GDA: variants seen among roughly 807,000 people sequenced by gnomAD.
GDA encodes the protein guanine deaminase, also known as cytoplasmic PSD-95 interactor.
In GDA, 18 loss-of-function variants were observed where a neutral mutation model predicts 59.6. The ratio of observed to expected loss-of-function variants is 0.30; its 90% CI spans 0.21 to 0.45. The LOEUF (loss-of-function observed/expected upper bound fraction) is 0.45, where lower values mean the gene tolerates loss of function less well. Among genes scored for constraint, GDA ranks in the 20% least tolerant of loss-of-function variants. The probability of loss-of-function intolerance (pLI) is 1.00; values close to 1 mark genes in which losing one functional copy is unlikely to be tolerated. For synonymous variants in GDA, 201 were observed against 201.1 expected (o/e 1.00, Z 0.00); for missense variants, 427 against 552.3 (o/e 0.77, Z 2.27).
intron 1 of GDA, among the ~76,000 whole-genome samples, chr9:72,131,013 A>G (rs961421200): frequency 3.9e-5 from 6 of 152,230 alleles, no homozygotes; most frequent in Non-Finnish European, 7.3e-5. Context: ...CATTTGAGAA[A>G]TAAGGGAGCA....
intron 10 of GDA, among the ~76,000 whole-genome samples, chr9:72,237,106 C>G (rs1426882912): frequency 6.6e-6 from 1 of 152,094 alleles, no homozygotes; most frequent in Non-Finnish European, 1.5e-5. Context: ...TCAGACATCC[C>G]CCTCATGCTC....
intron 6 of GDA, among the ~76,000 whole-genome samples, chr9:72,222,876 T>C (rs1837073521): frequency 6.6e-6 from 1 of 152,052 alleles, no homozygotes; most frequent in African/African-American, 2.4e-5. Context: ...CCAGCTAATT[T>C]TGTATTTTTT....
rs201774507 is a variant in GDA at position 72,206,368 on chromosome 9, A to AT, written c.384+3635dup. On this transcript the variant is annotated intron_variant, in intron 3 of 13. Transcript: ENST00000358399. The stretch of plus-strand genomic sequence containing the variant: ...TTATATCATCTGAGATTTTAGTTCC[A>AT]TTTTTTTTTGCCGTGTATACTATAT... Among the ~76,000 whole-genome samples the AT allele has an allele frequency of 4.6e-3, 692 of 150,074 alleles. 8 individuals carry two copies. Among genetic ancestry groups the AT allele is most frequent in the African/African-American group, 0.015 (620 of 40,930 alleles).
chr9:72,131,772 A>C (rs758008087), intron 1 of GDA, among the ~76,000 whole-genome samples: 20 of 152,200 alleles, frequency 1.3e-4, no homozygotes, highest in Admixed American at 3.3e-4. Flanking sequence ...GGGTTAAGTC[A>C]TAAAGTAACT....
At chr9:72,157,844 C>A (rs1229209452) in intron 1 of GDA, among the ~76,000 whole-genome samples, 2 of 152,184 alleles carry the variant, frequency 1.3e-5, no homozygotes, top group Non-Finnish European at 2.9e-5. Flanking sequence ...ATCTGTCTGG[C>A]AAGTGGGAAT....
intron 7 of GDA, among the ~76,000 whole-genome samples, chr9:72,223,487 A>G (rs997565275): frequency 2.0e-5 from 3 of 152,190 alleles, no homozygotes; most frequent in Admixed American, 1.3e-4. Context: ...AAGACAAGAA[A>G]ATCGTTTTAA....
chr9:72,198,039 G>A (rs965602612), intron 2 of GDA, among the ~76,000 whole-genome samples: 8 of 152,092 alleles, frequency 5.3e-5, no homozygotes, highest in African/African-American at 1.7e-4. Flanking sequence ...TAAAAGCAGC[G>A]GGGGAGGGGC....
chr9:72,133,512 C>T (rs1353523957), intron 1 of GDA, among the ~76,000 whole-genome samples: 9 of 151,900 alleles, frequency 5.9e-5, no homozygotes, highest in Non-Finnish European at 8.8e-5. Flanking sequence ...GAACTTTGTT[C>T]TTTGGGAATG....
At chr9:72,212,342 C>T (rs964022837) in intron 4 of GDA, among the ~76,000 whole-genome samples, 5 of 151,906 alleles carry the variant, frequency 3.3e-5, no homozygotes, top group South Asian at 2.1e-4. Context: ...ATTAACCAAG[C>T]GTAGTGGTGG....
chr9:72,189,945 G>A (rs1158381558), intron 1 of GDA, among the ~76,000 whole-genome samples: 1 of 152,190 alleles, frequency 6.6e-6, no homozygotes, highest in African/African-American at 2.4e-5. Flanking sequence ...TGTTTTCTCT[G>A]AAACTCATGT....
At chr9:72,121,106 C>T (rs1825644334) in intron 1 of GDA, among the ~76,000 whole-genome samples, 1 of 152,312 alleles carries the variant, frequency 6.6e-6, no homozygotes, top group East Asian at 1.9e-4. Context: ...ATTCACTAAG[C>T]ATTTAGTTCG....
At chr9:72,227,835 C>G (rs1360593213) in intron 8 of GDA, 108 bp from the exon 9 acceptor site, 1 of 653,716 alleles carries the variant, frequency 1.5e-6, no homozygotes, top group Non-Finnish European at 2.8e-6. Context: ...TGTGAAGATG[C>G]TAACAGCCAA....
intron 2 of GDA, among the ~76,000 whole-genome samples, chr9:72,201,196 T>TG (rs1833965544): frequency 2.0e-5 from 3 of 151,660 alleles, no homozygotes; most frequent in African/African-American, 7.3e-5. Context: ...ACACAGAATT[T>TG]TTTTTTTTTT....
In GDA at chr9:72,118,723, T is replaced by C. The variant is rs542873990; in HGVS notation, c.-100+3890T>C. Among the ~76,000 whole-genome samples, 4 of 152,310 alleles carry C rather than the reference T, an allele frequency of 2.6e-5. No individual in the cohort carries two copies. The South Asian group carries it at 8.3e-4, about 32-fold the overall frequency. On this transcript the variant is annotated intron_variant, in intron 1 of 13. Coordinates refer to the GDA transcript ENST00000545168. ...CATTTTCATCCATCAAACTGGCAAT[T>C]TTTTTTCTTATGTTTAGTATTAAAG... is the stretch of plus-strand genomic sequence containing the variant.
chr9:72,155,059 C>T (rs1297091891), intron 1 of GDA, among the ~76,000 whole-genome samples: 3 of 152,054 alleles, frequency 2.0e-5, no homozygotes, highest in East Asian at 1.9e-4. Context: ...ATCAAACTTG[C>T]GATGTGAACA....
intron 3 of GDA, among the ~76,000 whole-genome samples, chr9:72,204,680 T>C (rs1430682676): frequency 6.6e-6 from 1 of 152,246 alleles, no homozygotes. Flanking sequence ...AAAGATTCTA[T>C]ACTATCAAGA....
chr9:72,254,448 T>TA (rs1049510825), downstream of GDA, among the ~76,000 whole-genome samples: 800 of 145,262 alleles, frequency 5.5e-3, 3 homozygotes, highest in African/African-American at 0.018. Flanking sequence ...AAAATGCAAT[T>TA]AAAAAAAAAA....
intron 1 of GDA, among the ~76,000 whole-genome samples, chr9:72,166,551 A>G (rs1829335470): frequency 6.6e-6 from 1 of 152,162 alleles, no homozygotes; most frequent in Non-Finnish European, 1.5e-5. Flanking sequence ...ACACATAGAA[A>G]TAATAAATAC....
At chr9:72,143,528 G>C (rs1199957225) in intron 1 of GDA, among the ~76,000 whole-genome samples, 1 of 152,138 alleles carries the variant, frequency 6.6e-6, no homozygotes, top group Admixed American at 6.6e-5. Flanking sequence ...AGTATGAGTA[G>C]GTGATGGAAA....
Sources: gnomAD v4.1 joint callset for allele counts (sites outside exome capture counted in the v4.1 genomes callset) on GRCh38, gnomAD v4.1.1 for gene constraint, MANE v1.5 for transcripts, NCBI Gene and HGNC (gene_info 2026-07-23, HGNC 2026-07-21) for gene names.